The following LRRTM4 variants were observed in gnomAD, a reference collection of about 807,000 sequenced individuals.
LRRTM4 encodes leucine rich repeat transmembrane neuronal 4, also known as leucine-rich repeat transmembrane neuronal protein 4.
LRRTM4 carries 25 observed loss-of-function variants against 47.6 expected under a neutral mutation model. The ratio of observed to expected loss-of-function variants is 0.53; its 90% confidence interval spans 0.38 to 0.73. LRRTM4 has a LOEUF of 0.73. LRRTM4 is among the 30% of genes least tolerant of loss of function. LRRTM4 has a pLI of 0.00. For synonymous variants in LRRTM4, 311 were observed against 269.5 expected, an observed-to-expected ratio of 1.15 and a Z score of -1.51; for missense variants, 638 against 713.4, an observed-to-expected ratio of 0.89 and a Z score of 1.20.
chr2:76,958,369 T>C (rs1332215897), intron 3 of LRRTM4, among the ~76,000 whole-genome samples: 1 of 151,892 alleles, frequency 6.6e-6, no homozygotes, highest in African/African-American at 2.4e-5. Context: ...AACTCGAAGA[T>C]AGATAACTGA....
chr2:76,963,389 G>A lies in LRRTM4; in HGVS notation c.1552-214473C>T, dbSNP rs75908058. On this transcript the variant is annotated intron_variant, in intron 3 of 3. Transcript: ENST00000409884. The stretch of plus-strand genomic sequence containing the variant: ...CTTAGAAAAAAGTAAAGGAAAATCT[G>A]AAAAAATGTATTGATCAAGTGATTA... 7.2e-4 allele frequency among the ~76,000 whole-genome samples: 109 copies of A among 150,750 alleles called. 1 individual carries two copies. The East Asian group carries it at 0.017, about 23-fold the overall frequency.
intron 3 of LRRTM4, among the ~76,000 whole-genome samples, chr2:76,924,084 C>G (rs1255598528): frequency 6.6e-6 from 1 of 152,002 alleles, no homozygotes; most frequent in African/African-American, 2.4e-5. Flanking sequence ...CCTTAATTAC[C>G]TGGCCAGCAT....
At chr2:77,012,915 C>T (rs146511701) in intron 3 of LRRTM4, among the ~76,000 whole-genome samples, 197 of 152,164 alleles carry the variant, frequency 1.3e-3, no homozygotes, top group African/African-American at 4.2e-3. Flanking sequence ...AATGGGCAAA[C>T]GATGTATTAA....
intron 3 of LRRTM4, among the ~76,000 whole-genome samples, chr2:77,492,451 G>T (rs951453536): frequency 6.6e-6 from 1 of 152,004 alleles, no homozygotes; most frequent in Non-Finnish European, 1.5e-5. Flanking sequence ...TGGAGATGGG[G>T]TCTTGCTATA....
chr2:76,941,376 AC>A (rs1675137512), intron 3 of LRRTM4, among the ~76,000 whole-genome samples: 3 of 152,272 alleles, frequency 2.0e-5, no homozygotes, highest in Admixed American at 2.0e-4. Context: ...CAGGTTTGTT[AC>A]ATAGGTATAC....
chr2:77,257,180 C>T (rs965506478), intron 3 of LRRTM4, among the ~76,000 whole-genome samples: 1 of 151,914 alleles, frequency 6.6e-6, no homozygotes, highest in African/African-American at 2.4e-5. Context: ...AAAATCCTAC[C>T]GCTAACGTCA....
chr2:77,127,464 A>G (rs1671677943), intron 3 of LRRTM4, among the ~76,000 whole-genome samples: 1 of 152,162 alleles, frequency 6.6e-6, no homozygotes, highest in African/African-American at 2.4e-5. Flanking sequence ...GGCTTTTGAT[A>G]TTCACACTAT....
intron 3 of LRRTM4, among the ~76,000 whole-genome samples, chr2:77,260,414 TAG>T (rs1019537465): frequency 6.7e-5 from 10 of 150,230 alleles, no homozygotes; most frequent in African/African-American, 2.2e-4. Context: ...TGTGTGTGTG[TAG>T]ATAGTTGATT....
At chr2:77,518,147 A>G (rs889625759) in intron 3 of LRRTM4, 171 bp downstream of exon 3, 1 of 1,268,448 alleles carries the variant, frequency 7.9e-7, no homozygotes, top group Non-Finnish European at 9.9e-7. Flanking sequence ...AAAAAAAAGC[A>G]GTCAATTTCC....
At chr2:77,008,546 G>T (rs1420552273) in intron 3 of LRRTM4, among the ~76,000 whole-genome samples, 1 of 152,132 alleles carries the variant, frequency 6.6e-6, no homozygotes, top group African/African-American at 2.4e-5. Flanking sequence ...AACAAATAAC[G>T]TAGGGGCTGA....
Position 77,049,086 on chromosome 2 carries a change from AGTTT to A in LRRTM4, c.1552-300174_1552-300171del, listed in dbSNP as rs559624017. ...GCTCATCCGTGTTGCTGTGAATGAC[AGTTT>A]GTTTTTTTTTGACTAAATAATATTT... is the stretch of plus-strand genomic sequence containing the variant. On this transcript the variant is annotated intron_variant, in intron 3 of 3. Coordinates refer to ENST00000409884, the MANE Select transcript of LRRTM4 (RefSeq NM_001134745.3). 4.4e-3 allele frequency among the ~76,000 whole-genome samples: 591 copies of A among 134,318 alleles called. 1 individual carries two copies. Among genetic ancestry groups the A allele is most frequent in the Non-Finnish European group, 7.0e-3 (449 of 63,976 alleles). The allele number at this position is 134,318 out of a possible 152,430, so 88.1% of individuals were successfully genotyped here. A position where few individuals can be genotyped will look rare whatever the true frequency, so the allele number is the denominator to read the frequency against.
At chr2:77,343,351 A>T (rs1558697659) in intron 3 of LRRTM4, among the ~76,000 whole-genome samples, 1 of 152,000 alleles carries the variant, frequency 6.6e-6, no homozygotes, top group Non-Finnish European at 1.5e-5. Flanking sequence ...CACAGAAAAC[A>T]GAACAAATTT....
chr2:76,900,621 T>C (rs1673591592), intron 3 of LRRTM4, among the ~76,000 whole-genome samples: 1 of 152,152 alleles, frequency 6.6e-6, no homozygotes, highest in South Asian at 2.1e-4. Flanking sequence ...AATTGAAACA[T>C]GAAATGCAGT....
At chr2:77,245,232 G>T (rs1320507794) in intron 3 of LRRTM4, among the ~76,000 whole-genome samples, 1 of 151,946 alleles carries the variant, frequency 6.6e-6, no homozygotes, top group Non-Finnish European at 1.5e-5. Context: ...ACAACTCAGT[G>T]TGTTCTTGAA....
chr2:76,887,893 TC>T (rs1673128543), intron 3 of LRRTM4, among the ~76,000 whole-genome samples: 1 of 151,136 alleles, frequency 6.6e-6, no homozygotes, highest in Non-Finnish European at 1.5e-5. Flanking sequence ...GCCTAAATTA[TC>T]AAGTGAAAGT....
chr2:76,905,296 G>C (rs376420423), intron 3 of LRRTM4, among the ~76,000 whole-genome samples: 5 of 152,266 alleles, frequency 3.3e-5, no homozygotes, highest in East Asian at 3.9e-4. Flanking sequence ...GGTCCTGTCT[G>C]TTAGAAGGAA....
intron 3 of LRRTM4, among the ~76,000 whole-genome samples, chr2:76,869,745 T>G (rs1298955057): frequency 6.6e-6 from 1 of 152,104 alleles, no homozygotes; most frequent in African/African-American, 2.4e-5. Context: ...GAGTTTGTAT[T>G]ATAAGATTTT....
At chr2:76,784,042 A>G (rs144587533) in intron 3 of LRRTM4, among the ~76,000 whole-genome samples, 3 of 152,160 alleles carry the variant, frequency 2.0e-5, no homozygotes, top group Non-Finnish European at 2.9e-5. Flanking sequence ...AGAAAACATA[A>G]ATAATTATTT....
intron 3 of LRRTM4, among the ~76,000 whole-genome samples, chr2:76,883,200 T>A (rs1426602734): frequency 2.0e-5 from 3 of 152,190 alleles, no homozygotes; most frequent in African/African-American, 7.2e-5. Context: ...TGGAGCTTTC[T>A]ACCAGTCTCT....
Sources: gnomAD v4.1 joint callset for allele counts (sites outside exome capture counted in the v4.1 genomes callset) on GRCh38, gnomAD v4.1.1 for gene constraint, MANE v1.5 for transcripts, NCBI Gene and HGNC (gene_info 2026-07-23, HGNC 2026-07-21) for gene names.